Variants in STK33 observed in about 807,000 individuals in gnomAD.
The protein encoded by STK33 is serine/threonine-protein kinase 33.
A neutral mutation model predicts 58.0 loss-of-function variants in STK33; 52 were observed. The observed-to-expected ratio is 0.90, with a 90% CI of 0.72 to 1.13. STK33 has a LOEUF of 1.13. STK33 is among the 50% of genes most tolerant of loss of function. STK33 has a pLI of 0.00. For synonymous variants in STK33, 215 were observed against 200.1 expected (o/e 1.07, Z -0.63); for missense variants, 630 against 604.2 (o/e 1.04, Z -0.45).
At chr11:8,552,158 A>G (rs572541142) in intron 1 of STK33, among the ~76,000 whole-genome samples, 43 of 152,350 alleles carry the variant, frequency 2.8e-4, no homozygotes, top group African/African-American at 1.0e-3. Flanking sequence ...CCTATAAGCC[A>G]TAGGTCTAGA....
At chr11:8,504,992 A>G (rs966749350) in intron 1 of STK33, among the ~76,000 whole-genome samples, 1 of 152,158 alleles carries the variant, frequency 6.6e-6, no homozygotes, top group Non-Finnish European at 1.5e-5. Flanking sequence ...ATCTCTTCCC[A>G]ACTCCACAGC....
intron 10 of STK33, among the ~76,000 whole-genome samples, chr11:8,453,506 G>A (rs1427659928): frequency 6.6e-6 from 1 of 152,082 alleles, no homozygotes; most frequent in Non-Finnish European, 1.5e-5. Context: ...CATATTAACA[G>A]GAAAAAAACC....
the STK33 span, among the ~76,000 whole-genome samples, chr11:8,362,471 A>G: frequency 2.0e-5 from 3 of 152,360 alleles, no homozygotes; most frequent in East Asian, 5.8e-4. Context: ...TGATCGGGAA[A>G]TATATTGATT....
At chr11:8,539,288 G>A (rs1464744432) in intron 1 of STK33, among the ~76,000 whole-genome samples, 3 of 152,150 alleles carry the variant, frequency 2.0e-5, no homozygotes, top group Admixed American at 6.5e-5. Flanking sequence ...TATCAAGCCC[G>A]TTTCTCTAGG....
At chr11:8,424,466 T>C (rs1456637608) in intron 14 of STK33, among the ~76,000 whole-genome samples, 1 of 151,670 alleles carries the variant, frequency 6.6e-6, no homozygotes, top group Non-Finnish European at 1.5e-5. Flanking sequence ...CATGTGTCTT[T>C]ATAGCAGCAT....
At chr11:8,585,676 G>C (rs1185564490) in intron 1 of STK33, among the ~76,000 whole-genome samples, 2 of 151,944 alleles carry the variant, frequency 1.3e-5, no homozygotes. Flanking sequence ...TTGGGAGGCT[G>C]AGGCAGGCAG....
chr11:8,419,942 G>A (rs1941672167), intron 14 of STK33, among the ~76,000 whole-genome samples: 1 of 151,910 alleles, frequency 6.6e-6, no homozygotes, highest in Admixed American at 6.6e-5. Context: ...ACTTAACCAT[G>A]GATAATCTCA....
rs147664282 is a variant in STK33 at position 8,480,103 on chromosome 11, G to A, written c.-261+307C>T. Among the ~76,000 whole-genome samples, 79 of 152,300 alleles carry A rather than the reference G, an allele frequency of 5.2e-4. 1 individual carries two copies. Among genetic ancestry groups the A allele is most frequent in the African/African-American group, 1.8e-3 (75 of 41,572 alleles). On this transcript the variant is annotated intron_variant, in intron 2 of 15. Coordinates refer to ENST00000687296, the MANE Select transcript of STK33 (RefSeq NM_001352389.2). ...CTCTTCACATTTCTGAAGAGGATTA[G>A]GCATATGGGATTAGACTTCTACGTG...
rs368439707 is a variant in STK33 at position 8,561,455 on chromosome 11, G to A, written c.-466+32628C>T. Among the ~76,000 whole-genome samples, 322 of 152,088 alleles carry A rather than the reference G, an allele frequency of 2.1e-3. 2 individuals are homozygous for A. Among genetic ancestry groups the A allele is most frequent in the African/African-American group, 7.3e-3 (304 of 41,490 alleles). Reference sequence around the variant, plus strand: ...TGCTTTTCCTGTCTGGATGCTTGGCGATTCTTTTTTTTAATCTTGAAGCAC... The same window carrying A: ...TGCTTTTCCTGTCTGGATGCTTGGCAATTCTTTTTTTTAATCTTGAAGCAC... On this transcript the variant is annotated intron_variant, in intron 1 of 15. Coordinates refer to ENST00000687296, the MANE Select transcript of STK33 (RefSeq NM_001352389.2).
At chr11:8,498,101 C>A (rs1444776939) in intron 1 of STK33, among the ~76,000 whole-genome samples, 1 of 152,072 alleles carries the variant, frequency 6.6e-6, no homozygotes, top group Admixed American at 6.6e-5. Context: ...AATAATCCAA[C>A]ACATTATTAA....
intron 1 of STK33, among the ~76,000 whole-genome samples, chr11:8,572,528 C>T (rs1957897950): frequency 6.6e-6 from 1 of 152,018 alleles, no homozygotes; most frequent in African/African-American, 2.4e-5. Flanking sequence ...TTCTACATGT[C>T]TAACAGGGTA....
At chr11:8,541,824 T>C (rs1036050189) in intron 1 of STK33, among the ~76,000 whole-genome samples, 2 of 152,158 alleles carry the variant, frequency 1.3e-5, no homozygotes, top group Non-Finnish European at 2.9e-5. Context: ...GGAGTATGGA[T>C]TTCTGCTTGA....
At chr11:8,567,134 T>C (rs1957504993) in intron 1 of STK33, 1 of 152,112 alleles carries the variant, frequency 6.6e-6, no homozygotes, top group African/African-American at 2.4e-5. Context: ...AGTGAGACCC[T>C]GTCTCAAAAT....
intron 15 of STK33, among the ~76,000 whole-genome samples, chr11:8,410,044 A>C (rs1443211128): frequency 6.6e-6 from 1 of 152,146 alleles, no homozygotes; most frequent in Non-Finnish European, 1.5e-5. Context: ...GCAATGCTTC[A>C]ATACTGGGAT....
intron 1 of STK33, among the ~76,000 whole-genome samples, chr11:8,573,258 C>A (rs1163079887): frequency 3.9e-5 from 6 of 152,116 alleles, no homozygotes; most frequent in Non-Finnish European, 8.8e-5. Context: ...TTAAAAAATT[C>A]ATTTAGAAGA....
chr11:8,594,023 C>G (rs2033040928), intron 1 of STK33, 60 bp downstream of exon 1: 1 of 152,292 alleles, frequency 6.6e-6, no homozygotes, highest in Non-Finnish European at 1.5e-5. Context: ...GGCTGCGCCC[C>G]GGGCCGCCCG....
intron 14 of STK33, chr11:8,433,713 G>A (rs981878352): frequency 1.8e-4 from 28 of 152,130 alleles, no homozygotes; most frequent in African/African-American, 5.8e-4. Context: ...AAATCTAGAT[G>A]TCACCCTTAT....
chr11:8,520,599 C>T (rs1953323243), intron 1 of STK33, among the ~76,000 whole-genome samples: 2 of 152,120 alleles, frequency 1.3e-5, no homozygotes, highest in South Asian at 2.1e-4. Flanking sequence ...AAAACCCCAT[C>T]GTCTCGGCCC....
chr11:8,513,669 CT>C (rs776079558), intron 1 of STK33, among the ~76,000 whole-genome samples: 20 of 151,320 alleles, frequency 1.3e-4, no homozygotes, highest in African/African-American at 2.9e-4. Flanking sequence ...ATCACGGTAA[CT>C]TTTTTTTTAA....
Sources: gnomAD v4.1 joint callset for allele counts (sites outside exome capture counted in the v4.1 genomes callset) on GRCh38, gnomAD v4.1.1 for gene constraint, MANE v1.5 for transcripts, NCBI Gene and HGNC (gene_info 2026-07-23, HGNC 2026-07-21) for gene names.